Variants in RYR3 observed in about 807,000 individuals in gnomAD.
RYR3 encodes brain ryanodine receptor-calcium release channel.
RYR3 carries 207 observed loss-of-function variants against 584.3 expected under a neutral mutation model. The ratio of observed to expected loss-of-function variants is 0.35; its 90% CI spans 0.32 to 0.40. The LOEUF (loss-of-function observed/expected upper bound fraction) is 0.40, where lower values mean the gene tolerates loss of function less well. Among genes scored for constraint, RYR3 ranks in the 10% least tolerant of loss-of-function variants. The probability of loss-of-function intolerance (pLI) is 1.00; values close to 1 mark genes in which losing one functional copy is unlikely to be tolerated. For missense variants in RYR3, 5,616 were observed against 6,089.2 expected (o/e 0.92, Z 2.59); for synonymous variants, 2,416 against 2,248.5 (o/e 1.07, Z -2.11).
intron 32 of RYR3, among the ~76,000 whole-genome samples, chr15:33,659,093 GGGGCAGAGAGTGCTGCTGATGTGCAGT>G (rs1443515157): frequency 5.3e-5 from 8 of 152,198 alleles, no homozygotes; most frequent in Admixed American, 3.9e-4. Flanking sequence ...GACTGTGGTG[GGGGCAGAGAGTGCTGCTGATGTGCAGT>G]GGGCAGAGGG....
chr15:33,660,743 G>A (rs1467152413), intron 34 of RYR3, among the ~76,000 whole-genome samples: 4 of 152,212 alleles, frequency 2.6e-5, no homozygotes, highest in Admixed American at 2.0e-4. Flanking sequence ...GAAGACTCTA[G>A]CTTGACTTAG....
At chr15:33,586,158 C>T (rs752905951) in intron 16 of RYR3, 42 bp downstream of exon 16, 2 of 1,122,294 alleles carry the variant, frequency 1.8e-6, no homozygotes, top group Non-Finnish European at 2.7e-6. Flanking sequence ...CCTGGTGTTT[C>T]CCTCCCCAAT....
At chr15:33,442,758 C>A (rs998846560) in intron 1 of RYR3, among the ~76,000 whole-genome samples, 55 of 152,310 alleles carry the variant, frequency 3.6e-4, no homozygotes, top group Middle Eastern at 3.4e-3. Context: ...TATCAGTAAA[C>A]ATTTAAAACA....
chr15:33,685,359 A>G (rs1204427833), intron 38 of RYR3, among the ~76,000 whole-genome samples: 3 of 152,238 alleles, frequency 2.0e-5, no homozygotes, highest in Admixed American at 1.3e-4. Context: ...AGGCCAATAC[A>G]TAATGGTAAA....
chr15:33,548,051 C>A (rs564064583), intron 8 of RYR3, 79 bp from the exon 9 acceptor site: 13 of 971,974 alleles, frequency 1.3e-5, no homozygotes, highest in Non-Finnish European at 2.1e-5. Context: ...ACCTGAACAG[C>A]CTCTGCAGGG....
intron 3 of RYR3, among the ~76,000 whole-genome samples, chr15:33,515,325 TCCC>T (rs1392755818): frequency 6.6e-6 from 1 of 152,194 alleles, no homozygotes; most frequent in Non-Finnish European, 1.5e-5. Context: ...CAACTGCTGT[TCCC>T]AGGCAACCAC....
intron 1 of RYR3, among the ~76,000 whole-genome samples, chr15:33,439,154 G>C (rs527276342): frequency 6.6e-6 from 1 of 152,156 alleles, no homozygotes; most frequent in East Asian, 1.9e-4. Context: ...ATATAGAAAT[G>C]CTTTTGCTTT....
chr15:33,858,852 T>C (rs79488201), intron 99 of RYR3: 4,975 of 152,350 alleles, frequency 0.033, 162 homozygotes, highest in Non-Finnish European at 0.039. Context: ...TGTGAGCATC[T>C]CCATAAAAGA....
rs1437886497 is a variant in RYR3 at position 33,592,236 on chromosome 15, G to C, written c.1788+6120G>C. The stretch of plus-strand genomic sequence containing the variant: ...CCAGTGGGAGGGCTTGATAGAGTGT[G>C]GTTATTGGCTTCACCATCCCCTAAG... On this transcript the variant is annotated intron_variant, in intron 16 of 103. Coordinates refer to ENST00000634891, the MANE Select transcript of RYR3 (RefSeq NM_001036.6). 2.6e-5 allele frequency among the ~76,000 whole-genome samples: 4 copies of C among 152,148 alleles called. No individual in the cohort carries two copies. In the East Asian group the frequency reaches 7.7e-4, roughly 29 times the overall value.
rs150618645 is a variant in RYR3, at chr15:33,630,843, A to G, written c.2784-367A>G. On this transcript the variant is annotated intron_variant, in intron 22 of 103. Coordinates refer to ENST00000634891, the MANE Select transcript of RYR3 (RefSeq NM_001036.6). Reference sequence around the variant, plus strand: ...ATGTCTCCAAGAGGGGCAATTAACAAATTTCTCTTCTGTAATCTTATGCTT... The same window carrying G: ...ATGTCTCCAAGAGGGGCAATTAACAGATTTCTCTTCTGTAATCTTATGCTT... Among the ~76,000 whole-genome samples the G allele has an allele frequency of 3.8e-4, 58 of 152,344 alleles. 1 individual carries two copies. The highest frequency in any genetic ancestry group is 1.3e-3 in the African/African-American group (55 of 41,580).
chr15:33,715,289 G>A (rs2067413235), intron 43 of RYR3, among the ~76,000 whole-genome samples: 1 of 152,140 alleles, frequency 6.6e-6, no homozygotes, highest in African/African-American at 2.4e-5. Flanking sequence ...ACTAGACTAG[G>A]CATGGTTAGG....
chr15:33,371,390 C>G (rs891672717), intron 1 of RYR3, among the ~76,000 whole-genome samples: 14 of 152,326 alleles, frequency 9.2e-5, no homozygotes, highest in Admixed American at 9.1e-4. Context: ...CATTTTCAAA[C>G]ACTTGTTAGT....
intron 1 of RYR3, among the ~76,000 whole-genome samples, chr15:33,361,719 A>C (rs1264764652): frequency 6.6e-6 from 1 of 152,224 alleles, no homozygotes; most frequent in Non-Finnish European, 1.5e-5. Flanking sequence ...CACTGGGAGC[A>C]TCCTGGCTAA....
chr15:33,667,982 T>G (rs2152717262), intron 36 of RYR3, among the ~76,000 whole-genome samples: 1 of 146,398 alleles, frequency 6.8e-6, no homozygotes, highest in South Asian at 2.2e-4. Context: ...AGAATCACTT[T>G]AACCCAGGTG....
chr15:33,511,947 T>G (rs1007665732), intron 3 of RYR3, among the ~76,000 whole-genome samples: 3 of 151,800 alleles, frequency 2.0e-5, no homozygotes, highest in Non-Finnish European at 2.9e-5. Context: ...CCCGGCTAAT[T>G]TTTTGTATTT....
intron 67 of RYR3, among the ~76,000 whole-genome samples, chr15:33,792,467 T>A (rs2075220237): frequency 6.6e-6 from 1 of 152,120 alleles, no homozygotes. Context: ...CATCAGTCAG[T>A]CCCCTGGGGT....
At chr15:33,800,640 A>T in intron 67 of RYR3, 130 bp from the exon 68 acceptor site, 2 of 638,568 alleles carry the variant, frequency 3.1e-6, no homozygotes, top group East Asian at 5.5e-5. Context: ...CTCCCTGATT[A>T]TTGCTTTCAT....
chr15:33,732,349 C>G (rs2069035650), intron 48 of RYR3, among the ~76,000 whole-genome samples: 1 of 147,710 alleles, frequency 6.8e-6, no homozygotes, highest in Admixed American at 6.8e-5. Context: ...GATCATGCCA[C>G]TGCACTCCAG....
At position 33,580,106 on chromosome 15, in the gene RYR3, C is replaced by T. The variant is rs1196135625; in HGVS notation, c.1399C>T (p.Arg467Cys). 2.5e-6 allele frequency: 4 copies of T among 1,611,894 alleles called. No homozygotes were observed. The highest frequency in any genetic ancestry group is 1.7e-6 in the Non-Finnish European group (2 of 1,179,104). The change falls in exon 13 of 104, where the codon CGC (arginine) becomes TGC (cysteine). Residue 467 changes from arginine to cysteine, a missense_variant. Arg to Cys is a radical substitution (Grantham distance 180). Transcript: ENST00000634891. ...MRHEDKQNKL[R>C]SLKNRQNLFK... Reference sequence around the variant, plus strand: ...ACATGAAGACAAGCAGAACAAGCTCCGCTCACTCAAAAACAGACAAAATCT... The same window carrying T: ...ACATGAAGACAAGCAGAACAAGCTCTGCTCACTCAAAAACAGACAAAATCT...
Sources: gnomAD v4.1 joint callset for allele counts (sites outside exome capture counted in the v4.1 genomes callset) on GRCh38, gnomAD v4.1.1 for gene constraint, MANE v1.5 for transcripts, NCBI Gene and HGNC (gene_info 2026-07-23, HGNC 2026-07-21) for gene names.